The following TXNDC16 variants were observed in gnomAD, a reference collection of about 807,000 sequenced individuals.
The protein encoded by TXNDC16 is thioredoxin domain containing 16.
Under a neutral mutation model 85.6 loss-of-function variants are expected in TXNDC16, and 74 were observed. The observed-to-expected ratio is 0.86, with a 90% CI of 0.72 to 1.05. The LOEUF (loss-of-function observed/expected upper bound fraction) is 1.05. TXNDC16 is among the 50% of genes least tolerant of loss of function. The pLI is 0.00. For missense variants in TXNDC16, 959 were observed against 947.0 expected (o/e 1.01, Z -0.17); for synonymous variants, 335 against 326.5 (o/e 1.03, Z -0.28).
chr14:52,513,570 C>T (rs2037006214), intron 8 of TXNDC16, among the ~76,000 whole-genome samples: 1 of 151,836 alleles, frequency 6.6e-6, no homozygotes, highest in Non-Finnish European at 1.5e-5. Context: ...TTTAAATTCC[C>T]ATTTAAAAAA....
At chr14:52,488,261 G>C in intron 12 of TXNDC16, 102 bp downstream of exon 12, 2 of 1,418,510 alleles carry the variant, frequency 1.4e-6, no homozygotes, top group Non-Finnish European at 1.9e-6. Flanking sequence ...ACAGAGTCTT[G>C]AATCTGAACA....
intron 14 of TXNDC16, among the ~76,000 whole-genome samples, chr14:52,476,615 A>G (rs2036026179): frequency 6.6e-6 from 1 of 152,160 alleles, no homozygotes; most frequent in Non-Finnish European, 1.5e-5. Flanking sequence ...AGGTCTTCGA[A>G]TTAACCCAAT....
At chr14:52,444,419 T>C (rs1003668338) in intron 18 of TXNDC16, among the ~76,000 whole-genome samples, 1 of 152,158 alleles carries the variant, frequency 6.6e-6, no homozygotes, top group Admixed American at 6.5e-5. Context: ...ATCAGGTTCA[T>C]TAAAATAAAA....
chr14:52,445,318 C>A (rs2035255762), intron 18 of TXNDC16, among the ~76,000 whole-genome samples: 1 of 151,854 alleles, frequency 6.6e-6, no homozygotes, highest in Non-Finnish European at 1.5e-5. Context: ...TTATTTATAA[C>A]CTATAATTTT....
At chr14:52,459,693 T>C (rs949395175) in intron 16 of TXNDC16, among the ~76,000 whole-genome samples, 1 of 152,118 alleles carries the variant, frequency 6.6e-6, no homozygotes. Context: ...CTAAATCCAG[T>C]AGCACATCAA....
chr14:52,443,888 A>T (rs916800944), intron 18 of TXNDC16, among the ~76,000 whole-genome samples: 3 of 152,232 alleles, frequency 2.0e-5, no homozygotes, highest in African/African-American at 7.2e-5. Flanking sequence ...AAGGAAACTG[A>T]GTTCTAAAAT....
chr14:52,501,752 T>G (rs1305329010), intron 9 of TXNDC16, among the ~76,000 whole-genome samples: 10 of 152,132 alleles, frequency 6.6e-5, no homozygotes, highest in Admixed American at 5.2e-4. Context: ...TAGAACAAAT[T>G]TTGGTCTAAG....
intron 1 of TXNDC16, among the ~76,000 whole-genome samples, chr14:52,547,162 C>T (rs2037957240): frequency 6.6e-6 from 1 of 152,082 alleles, no homozygotes; most frequent in Non-Finnish European, 1.5e-5. Context: ...GGCCCCCACC[C>T]GTGCATGGTC....
At chr14:52,496,941 A>G (rs1429182878) in intron 9 of TXNDC16, among the ~76,000 whole-genome samples, 2 of 152,136 alleles carry the variant, frequency 1.3e-5, no homozygotes, top group African/African-American at 2.4e-5. Flanking sequence ...ATTCCATTTG[A>G]CAAAAAACAA....
At chr14:52,450,021 C>G (rs914278889) in intron 18 of TXNDC16, among the ~76,000 whole-genome samples, 2 of 151,760 alleles carry the variant, frequency 1.3e-5, no homozygotes, top group African/African-American at 2.4e-5. Context: ...AATGATACAC[C>G]TAAAGAACTA....
At chr14:52,551,348 C>T (rs944728732) in intron 1 of TXNDC16, among the ~76,000 whole-genome samples, 6 of 151,152 alleles carry the variant, frequency 4.0e-5, no homozygotes, top group African/African-American at 1.5e-4. Flanking sequence ...ATGGTGGCTC[C>T]AGTGCCTGTA....
intron 1 of TXNDC16, among the ~76,000 whole-genome samples, chr14:52,546,551 C>T (rs1461483135): frequency 1.3e-5 from 2 of 152,160 alleles, no homozygotes; most frequent in East Asian, 1.9e-4. Flanking sequence ...GCAACAGTTT[C>T]GGCAGTTAGT....
At chr14:52,442,216 T>G (rs2035182642) in intron 18 of TXNDC16, among the ~76,000 whole-genome samples, 1 of 148,236 alleles carries the variant, frequency 6.7e-6, no homozygotes, top group Non-Finnish European at 1.5e-5. Context: ...TAATAAAACC[T>G]TCTACCATTT....
chr14:52,545,431 T>C (rs971734171), intron 1 of TXNDC16, among the ~76,000 whole-genome samples: 3 of 152,240 alleles, frequency 2.0e-5, no homozygotes, highest in African/African-American at 7.2e-5. Context: ...TTGTTCCATC[T>C]ATGGTAAGAT....
chr14:52,504,265 T>C (rs1230453083), intron 9 of TXNDC16, among the ~76,000 whole-genome samples: 3 of 152,024 alleles, frequency 2.0e-5, no homozygotes, highest in Non-Finnish European at 4.4e-5. Flanking sequence ...AGACACATAA[T>C]TGTCAGATTC....
At chr14:52,483,272 C>T (rs1238062754) in intron 12 of TXNDC16, among the ~76,000 whole-genome samples, 1 of 152,042 alleles carries the variant, frequency 6.6e-6, no homozygotes, top group Non-Finnish European at 1.5e-5. Context: ...ATGACAGGCA[C>T]TAGGAAAACT....
chr14:52,470,052 G>A lies in TXNDC16; in HGVS notation c.1603C>T (p.Pro535Ser). 6.2e-7 allele frequency: 1 copy of A among 1,609,022 alleles called. No homozygotes were observed. Among genetic ancestry groups the A allele is most frequent in the Non-Finnish European group, 8.5e-7 (1 of 1,178,242 alleles). ...CTCTGCTTACCTGTTTTCATGGTTGGACTAAATAGTCCCAATACTGACACA... is the reference window on the plus strand; with the variant it reads ...CTCTGCTTACCTGTTTTCATGGTTGAACTAAATAGTCCCAATACTGACACA... Reference protein sequence around the residue: ...SSVSVLGLFSPTMKTAKEDFS... With the variant: ...SSVSVLGLFSSTMKTAKEDFS... Residue 535 changes from proline to serine, a missense_variant, in exon 16 of 21, where the codon CCA (proline) becomes TCA (serine). Transcript: ENST00000281741.
chr14:52,513,383 A>G (rs2037001527), intron 8 of TXNDC16, among the ~76,000 whole-genome samples: 2 of 152,170 alleles, frequency 1.3e-5, no homozygotes, highest in African/African-American at 4.8e-5. Context: ...TACTTTATCC[A>G]AAAGTGATAT....
In TXNDC16 at chr14:52,439,387, T is replaced by G. The variant is rs1404259050; in HGVS notation, c.2011A>C (p.Thr671Pro). The change falls in exon 20 of 21, where the codon ACT (threonine) becomes CCT (proline). Residue 671 changes from threonine (T) to proline (P), a missense_variant. By Grantham distance (38) the Thr-to-Pro change is conservative (BLOSUM62 -1). Coordinates refer to ENST00000281741, the MANE Select transcript of TXNDC16 (RefSeq NM_020784.3). ...CTCAAGATTCCTCTCCCCACTGGAG[T>G]ATTCTTTCTGCAAAAGGGAACAATT... ...FTPCWLNLKN[T>P]PVGRGILRAY... is the part of the protein sequence containing the mutation. The G allele has an allele frequency of 1.2e-6, 2 of 1,611,678 alleles. No homozygotes were observed. Among genetic ancestry groups the G allele is most frequent in the Admixed American group, 3.4e-5 (2 of 59,330 alleles).
Sources: allele counts gnomAD v4.1 joint callset (sites outside exome capture counted in the v4.1 genomes callset), GRCh38; gene constraint gnomAD v4.1.1; transcripts MANE v1.5; gene names NCBI Gene and HGNC (gene_info 2026-07-23, HGNC 2026-07-21).